Variants in CYB5R4 observed in about 807,000 individuals in gnomAD.
CYB5R4 encodes the protein cytochrome b5 reductase 4, also known as N-terminal cytochrome b5 and cytochrome b5 oxidoreductase domain-containing protein.
A neutral mutation model predicts 70.2 loss-of-function variants in CYB5R4; 55 were observed. The ratio of observed to expected loss-of-function variants is 0.78; its 90% CI spans 0.63 to 0.98. The LOEUF (loss-of-function observed/expected upper bound fraction) is 0.98. CYB5R4 is among the 50% of genes least tolerant of loss of function. The pLI is 0.00. For synonymous variants in CYB5R4, 197 were observed against 199.5 expected (o/e 0.99, Z 0.11); for missense variants, 562 against 612.6 (o/e 0.92, Z 0.87).
At chr6:83,936,605 T>A (rs1047005464) in intron 12 of CYB5R4, among the ~76,000 whole-genome samples, 1 of 152,202 alleles carries the variant, frequency 6.6e-6, no homozygotes, top group Non-Finnish European at 1.5e-5. Context: ...CGAGTCGGCC[T>A]TGATTCTTCC....
At position 83,921,096 on chromosome 6, in the gene CYB5R4, C is replaced by T. The variant is rs746538694; in HGVS notation, c.579C>T (p.Asp193=). ...IYTKQKDINL[D]SIIVDHQNDS... ...TTCTCTTTAAGGATATCAATTTAGA[C>T]TCAATAATAGTTGATCATCAGAATG... The change falls in exon 8 of 16, where the codon GAC becomes GAT. Residue 193 remains aspartate, a synonymous_variant. Transcript: ENST00000369681. 1.3e-6 allele frequency: 2 copies of T among 1,511,376 alleles called. No individual in the cohort carries two copies. The highest frequency in any genetic ancestry group is 2.5e-5 in the South Asian group (2 of 81,496). The allele number at this position is 1,511,376 out of a possible 1,614,324, so 93.6% of individuals were successfully genotyped here.
intron 8 of CYB5R4, 149 bp downstream of exon 8, chr6:83,921,324 T>C: frequency 1.5e-6 from 1 of 664,102 alleles, no homozygotes; most frequent in Non-Finnish European, 2.3e-6. Flanking sequence ...CTGTAATTTC[T>C]TTACACTAAT....
intron 4 of CYB5R4, among the ~76,000 whole-genome samples, chr6:83,912,975 A>T (rs1377240132): frequency 6.6e-6 from 1 of 152,194 alleles, no homozygotes; most frequent in Non-Finnish European, 1.5e-5. Flanking sequence ...AATAATCATA[A>T]GAGATAATAT....
intron 2 of CYB5R4, among the ~76,000 whole-genome samples, chr6:83,889,031 A>G (rs898054764): frequency 7.2e-5 from 11 of 152,242 alleles, no homozygotes; most frequent in Admixed American, 5.2e-4. Context: ...ACTGTCTGCA[A>G]TTCTAGGAAG....
chr6:83,875,557 G>T (rs554736920), intron 2 of CYB5R4, among the ~76,000 whole-genome samples: 3 of 152,146 alleles, frequency 2.0e-5, no homozygotes, highest in Admixed American at 2.0e-4. Context: ...GTGCAAGAAA[G>T]AATTCAGGAC....
chr6:83,867,825 T>A (rs2099456967), intron 2 of CYB5R4, among the ~76,000 whole-genome samples: 1 of 152,116 alleles, frequency 6.6e-6, no homozygotes, highest in Non-Finnish European at 1.5e-5. Flanking sequence ...TGGCTCTGAG[T>A]CACTATTGTC....
At chr6:83,869,684 G>A (rs2099457266) in intron 2 of CYB5R4, among the ~76,000 whole-genome samples, 2 of 152,032 alleles carry the variant, frequency 1.3e-5, no homozygotes, top group Admixed American at 1.3e-4. Flanking sequence ...CAAAAAATTA[G>A]CTGGGCATAG....
intron 12 of CYB5R4, among the ~76,000 whole-genome samples, chr6:83,937,915 C>CA (rs1358719176): frequency 1.3e-5 from 2 of 152,160 alleles, no homozygotes; most frequent in Admixed American, 1.3e-4. Flanking sequence ...GTGTCACCTC[C>CA]TTTTTCTATA....
chr6:83,936,475 C>G, intron 12 of CYB5R4, 99 bp downstream of exon 12: 1 of 1,035,704 alleles, frequency 9.7e-7, no homozygotes, highest in South Asian at 1.5e-5. Flanking sequence ...ATATCTTTAA[C>G]TCAACATGTC....
At chr6:83,953,853 A>G (rs2099471912) in intron 14 of CYB5R4, among the ~76,000 whole-genome samples, 1 of 152,140 alleles carries the variant, frequency 6.6e-6, no homozygotes, top group Non-Finnish European at 1.5e-5. Flanking sequence ...AAGACTTGTC[A>G]TCTCAGATCA....
chr6:83,908,908 G>T, intron 3 of CYB5R4, 101 bp from the exon 4 acceptor site: 3 of 840,690 alleles, frequency 3.6e-6, no homozygotes, highest in Admixed American at 4.0e-5. Flanking sequence ...TTAGGTGTGT[G>T]TTGAGAGTGG....
chr6:83,933,311 T>A (rs903909904), intron 10 of CYB5R4, among the ~76,000 whole-genome samples: 18 of 152,338 alleles, frequency 1.2e-4, no homozygotes, highest in African/African-American at 4.3e-4. Context: ...GCTTATATAC[T>A]TACTGCTACC....
At chr6:83,863,636 A>G (rs1379480726) in intron 1 of CYB5R4, among the ~76,000 whole-genome samples, 3 of 152,158 alleles carry the variant, frequency 2.0e-5, no homozygotes, top group Non-Finnish European at 4.4e-5. Flanking sequence ...CATTCCTGTT[A>G]TATGGTCAGC....
intron 15 of CYB5R4, among the ~76,000 whole-genome samples, chr6:83,957,622 CAAAAAAAA>C (rs34196225): frequency 7.5e-5 from 5 of 66,948 alleles, no homozygotes; most frequent in South Asian, 1.1e-3. Context: ...AACTCTGTCT[CAAAAAAAA>C]AAAAAAAAAA....
intron 2 of CYB5R4, among the ~76,000 whole-genome samples, chr6:83,883,849 G>A (rs1309123521): frequency 6.6e-6 from 1 of 152,082 alleles, no homozygotes; most frequent in Non-Finnish European, 1.5e-5. Context: ...AGCAGTAAAT[G>A]GTTCTTATAT....
intron 14 of CYB5R4, 137 bp from the exon 15 acceptor site, chr6:83,955,161 A>C (rs879231868): frequency 4.7e-6 from 3 of 638,532 alleles, no homozygotes; most frequent in South Asian, 6.4e-5. Flanking sequence ...AATTTTTTTC[A>C]GTGTTTTTCT....
intron 4 of CYB5R4, 142 bp from the exon 5 acceptor site, chr6:83,914,274 T>C: frequency 2.4e-6 from 2 of 816,802 alleles, no homozygotes; most frequent in Non-Finnish European, 3.6e-6. Context: ...CGTTTCTATA[T>C]TGGCCTGTTT....
chr6:83,905,795 G>A (rs989854379), intron 3 of CYB5R4, among the ~76,000 whole-genome samples: 5 of 152,106 alleles, frequency 3.3e-5, no homozygotes, highest in East Asian at 1.9e-4. Context: ...GGTGGCAGTC[G>A]CAGGATGACC....
chr6:83,893,769 A>G (rs2099461473), intron 3 of CYB5R4, 147 bp downstream of exon 3: 1 of 527,414 alleles, frequency 1.9e-6, no homozygotes, highest in Admixed American at 3.7e-5. Context: ...GCTCACAAGT[A>G]GCAGCTGTTC....
Sources: allele counts gnomAD v4.1 joint callset (sites outside exome capture counted in the v4.1 genomes callset), GRCh38; gene constraint gnomAD v4.1.1; transcripts MANE v1.5; gene names NCBI Gene and HGNC (gene_info 2026-07-23, HGNC 2026-07-21).